NALF1: variants seen among roughly 807,000 people sequenced by gnomAD.
The protein encoded by NALF1 is NALCN channel auxiliary factor 1.
A neutral mutation model predicts 48.4 loss-of-function variants in NALF1; 3 were observed. That is an observed-to-expected ratio of 0.06 (90% CI 0.03 to 0.16). NALF1 has a LOEUF of 0.16. NALF1 is among the 10% of genes least tolerant of loss of function. The pLI is 1.00. For synonymous variants in NALF1, 262 were observed against 245.7 expected (o/e 1.07, Z -0.62); for missense variants, 526 against 571.5 (o/e 0.92, Z 0.81).
chr13:107,788,127 C>T (rs188544139), intron 1 of NALF1, among the ~76,000 whole-genome samples: 141 of 152,260 alleles, frequency 9.3e-4, no homozygotes, highest in African/African-American at 3.0e-3. Flanking sequence ...CTTCATCCTC[C>T]TTGTTTGAAT....
chr13:107,269,166 TAA>T (rs200045635), intron 1 of NALF1, among the ~76,000 whole-genome samples: 5 of 143,200 alleles, frequency 3.5e-5, no homozygotes, highest in African/African-American at 7.8e-5. Context: ...TGTCTATGTT[TAA>T]AAAAAAAAAA....
rs147099909 is a variant in NALF1, at chr13:107,691,142, T to C, written c.915+174540A>G. 3.9e-3 allele frequency among the ~76,000 whole-genome samples: 589 copies of C among 152,288 alleles called. 8 individuals carry two copies. The highest frequency in any genetic ancestry group is 0.014 in the African/African-American group (561 of 41,548). On this transcript the variant is annotated intron_variant, in intron 1 of 2. Coordinates refer to ENST00000375915, the MANE Select transcript of NALF1 (RefSeq NM_001080396.3). ...GACTCAGATGCATACACAGTGAGAATGTCAAATGAAGATGAAGGCAGAGAT... is the reference window on the plus strand; with the variant it reads ...GACTCAGATGCATACACAGTGAGAACGTCAAATGAAGATGAAGGCAGAGAT...
chr13:107,552,379 T>C (rs930484770), intron 1 of NALF1, among the ~76,000 whole-genome samples: 2 of 152,162 alleles, frequency 1.3e-5, no homozygotes, highest in African/African-American at 4.8e-5. Flanking sequence ...GTTATTTAAG[T>C]AGATTAATGC....
At chr13:107,432,365 A>G (rs191867110) in intron 1 of NALF1, among the ~76,000 whole-genome samples, 1 of 152,222 alleles carries the variant, frequency 6.6e-6, no homozygotes, top group East Asian at 1.9e-4. Context: ...TCCAAACTAT[A>G]TTACTATCAT....
intron 1 of NALF1, among the ~76,000 whole-genome samples, chr13:107,824,425 T>C (rs373223589): frequency 6.6e-6 from 1 of 152,228 alleles, no homozygotes; most frequent in Non-Finnish European, 1.5e-5. Context: ...CCTAATTTTC[T>C]TAGCTACCTG....
intron 1 of NALF1, among the ~76,000 whole-genome samples, chr13:107,722,300 C>G (rs958621012): frequency 6.6e-6 from 1 of 152,144 alleles, no homozygotes; most frequent in African/African-American, 2.4e-5. Context: ...ATCCTTTTCA[C>G]ATGTGTTAAC....
chr13:107,679,877 G>A (rs1214398801), intron 1 of NALF1, among the ~76,000 whole-genome samples: 1 of 152,134 alleles, frequency 6.6e-6, no homozygotes, highest in Non-Finnish European at 1.5e-5. Flanking sequence ...TCTGCACCTG[G>A]GTGTATTTGA....
At chr13:107,858,220 A>C (rs1880484821) in intron 1 of NALF1, among the ~76,000 whole-genome samples, 1 of 152,246 alleles carries the variant, frequency 6.6e-6, no homozygotes, top group African/African-American at 2.4e-5. Context: ...TCAATGATAA[A>C]TTAAAACTAA....
intron 1 of NALF1, among the ~76,000 whole-genome samples, chr13:107,370,967 A>G (rs1398670026): frequency 1.3e-5 from 2 of 152,128 alleles, no homozygotes; most frequent in Admixed American, 6.6e-5. Context: ...TGGTTTAATT[A>G]CCTTCCACCG....
At chr13:107,171,157 G>C (rs528519508) in intron 2 of NALF1, among the ~76,000 whole-genome samples, 1 of 152,150 alleles carries the variant, frequency 6.6e-6, no homozygotes, top group Non-Finnish European at 1.5e-5. Context: ...GATGCACTGC[G>C]TAAACTGACA....
chr13:107,759,756 G>A (rs1184063256), intron 1 of NALF1, among the ~76,000 whole-genome samples: 2 of 148,978 alleles, frequency 1.3e-5, no homozygotes, highest in African/African-American at 2.4e-5. Context: ...TCTTCAAATG[G>A]CATTTACTTT....
At chr13:107,722,202 T>A (rs554719646) in intron 1 of NALF1, among the ~76,000 whole-genome samples, 17 of 152,192 alleles carry the variant, frequency 1.1e-4, no homozygotes, top group East Asian at 9.7e-4. Context: ...GTCACTCATA[T>A]CCTTTCTGTA....
At chr13:107,347,744 A>G (rs368820476) in intron 1 of NALF1, among the ~76,000 whole-genome samples, 1 of 152,262 alleles carries the variant, frequency 6.6e-6, no homozygotes, top group East Asian at 1.9e-4. Flanking sequence ...ATACCTCTGT[A>G]AGGGACCGCA....
chr13:107,178,126 C>T (rs755830227), intron 2 of NALF1, among the ~76,000 whole-genome samples: 1 of 152,050 alleles, frequency 6.6e-6, no homozygotes, highest in African/African-American at 2.4e-5. Context: ...GGGAAAGTCT[C>T]CAGGATGTTG....
chr13:107,580,429 C>A (rs530353085), intron 1 of NALF1, among the ~76,000 whole-genome samples: 20 of 152,226 alleles, frequency 1.3e-4, no homozygotes, highest in African/African-American at 4.8e-4. Flanking sequence ...AGGGCCCTAT[C>A]CTCTTCATCA....
At chr13:107,431,547 G>T (rs1884381736) in intron 1 of NALF1, among the ~76,000 whole-genome samples, 1 of 152,210 alleles carries the variant, frequency 6.6e-6, no homozygotes, top group Non-Finnish European at 1.5e-5. Flanking sequence ...TGTTAAGTAG[G>T]ACTGTGTGGT....
chr13:107,800,056 T>A (rs1256446880), intron 1 of NALF1, among the ~76,000 whole-genome samples: 1 of 152,194 alleles, frequency 6.6e-6, no homozygotes, highest in East Asian at 1.9e-4. Flanking sequence ...AGAACCAAAC[T>A]ATGCCTAATT....
chr13:107,680,996 G>C (rs1311368633), intron 1 of NALF1, among the ~76,000 whole-genome samples: 1 of 151,252 alleles, frequency 6.6e-6, no homozygotes, highest in Non-Finnish European at 1.5e-5. Context: ...TAATTTTTCA[G>C]TTTTCTGCCT....
At chr13:107,642,754 C>A (rs1277277984) in intron 1 of NALF1, among the ~76,000 whole-genome samples, 1 of 152,142 alleles carries the variant, frequency 6.6e-6, no homozygotes, top group Non-Finnish European at 1.5e-5. Context: ...ACAGTCAGTG[C>A]CTAACACTTA....
Sources: gnomAD v4.1 joint callset for allele counts (sites outside exome capture counted in the v4.1 genomes callset) on GRCh38, gnomAD v4.1.1 for gene constraint, MANE v1.5 for transcripts, NCBI Gene and HGNC (gene_info 2026-07-23, HGNC 2026-07-21) for gene names.